DNAJC1: variants seen among roughly 807,000 people sequenced by gnomAD.
DNAJC1 encodes the protein dnaJ homolog subfamily C member 1.
DNAJC1 carries 58 observed loss-of-function variants against 76.6 expected under a neutral mutation model. That is an observed-to-expected ratio of 0.76 (90% CI 0.61 to 0.94). The LOEUF is 0.94. Among genes scored for constraint, DNAJC1 ranks in the 40% least tolerant of loss-of-function variants. The probability of loss-of-function intolerance (pLI) is 0.00; values close to 1 mark genes in which losing one functional copy is unlikely to be tolerated. For missense variants in DNAJC1, 689 were observed against 677.3 expected (o/e 1.02, Z -0.19); for synonymous variants, 258 against 267.9 (o/e 0.96, Z 0.36).
chr10:21,817,301 T>C (rs774240757), intron 8 of DNAJC1, among the ~76,000 whole-genome samples: 8 of 152,198 alleles, frequency 5.3e-5, no homozygotes, highest in Non-Finnish European at 1.2e-4. Flanking sequence ...ACAGCAGTTT[T>C]TGTAATAAAG....
chr10:21,898,730 T>A (rs1373891307), intron 7 of DNAJC1, among the ~76,000 whole-genome samples: 1 of 151,988 alleles, frequency 6.6e-6, no homozygotes, highest in Non-Finnish European at 1.5e-5. Context: ...TTTTTGTATT[T>A]TTTAGTACAT....
intron 8 of DNAJC1, among the ~76,000 whole-genome samples, chr10:21,815,130 A>G (rs1022305589): frequency 1.3e-5 from 2 of 152,196 alleles, no homozygotes; most frequent in Non-Finnish European, 2.9e-5. Flanking sequence ...TTGCCATCTC[A>G]TATAAATCAT....
At chr10:21,759,088 G>A in intron 11 of DNAJC1, 82 bp downstream of exon 11, 1 of 1,378,698 alleles carries the variant, frequency 7.3e-7, no homozygotes, top group East Asian at 2.3e-5. Flanking sequence ...AGGAATGAGG[G>A]AAGAAGCTGC....
chr10:21,810,781 C>A (rs965870637), intron 8 of DNAJC1, among the ~76,000 whole-genome samples: 1 of 152,148 alleles, frequency 6.6e-6, no homozygotes, highest in African/African-American at 2.4e-5. Context: ...ATGTATGGTG[C>A]CTCCTGGTGG....
intron 7 of DNAJC1, among the ~76,000 whole-genome samples, chr10:21,899,118 A>AT (rs1836600708): frequency 1.3e-5 from 2 of 152,308 alleles, no homozygotes; most frequent in South Asian, 4.1e-4. Flanking sequence ...CTTCTCTCAC[A>AT]TATCTATGCA....
intron 8 of DNAJC1, among the ~76,000 whole-genome samples, chr10:21,832,398 T>C (rs1835372797): frequency 6.6e-6 from 1 of 152,202 alleles, no homozygotes; most frequent in Admixed American, 6.5e-5. Context: ...AATTCTACAT[T>C]AACAACTATC....
At chr10:21,870,578 A>G (rs1186961082) in intron 8 of DNAJC1, among the ~76,000 whole-genome samples, 1 of 152,002 alleles carries the variant, frequency 6.6e-6, no homozygotes, top group African/African-American at 2.4e-5. Context: ...GTTGGAGACG[A>G]GCCTAGGTAA....
At chr10:21,804,741 C>T (rs1309247630) in intron 9 of DNAJC1, among the ~76,000 whole-genome samples, 2 of 151,256 alleles carry the variant, frequency 1.3e-5, no homozygotes, top group African/African-American at 4.9e-5. Context: ...AAAAATATTG[C>T]TAAACGTCTT....
chr10:21,996,151 C>T (rs1426999640), intron 1 of DNAJC1, among the ~76,000 whole-genome samples: 1 of 152,150 alleles, frequency 6.6e-6, no homozygotes, highest in African/African-American at 2.4e-5. Flanking sequence ...ACTGCAATTC[C>T]TTTCCTTTAT....
chr10:21,790,010 TAAAAAAAAAAAAAAA>T (rs35639440), intron 9 of DNAJC1, among the ~76,000 whole-genome samples: 1 of 41,064 alleles, frequency 2.4e-5, no homozygotes, highest in Non-Finnish European at 3.9e-5. Context: ...GCTCTGTCTT[TAAAAAAAAAAAAAAA>T]AAAAAAAAAA....
chr10:21,960,794 A>T (rs1837778040), intron 1 of DNAJC1, among the ~76,000 whole-genome samples: 1 of 152,228 alleles, frequency 6.6e-6, no homozygotes, highest in Non-Finnish European at 1.5e-5. Flanking sequence ...CAACTCAACA[A>T]CAAAAAGACA....
chr10:21,823,373 C>T (rs950075800), intron 8 of DNAJC1, among the ~76,000 whole-genome samples: 3 of 152,184 alleles, frequency 2.0e-5, no homozygotes, highest in Non-Finnish European at 4.4e-5. Flanking sequence ...GATCAAACCA[C>T]AGCATGACAC....
chr10:21,789,688 T>C (rs1167774475), intron 9 of DNAJC1, among the ~76,000 whole-genome samples: 2 of 151,858 alleles, frequency 1.3e-5, no homozygotes, highest in African/African-American at 2.4e-5. Context: ...CAAATAGAAA[T>C]CCTGCAGCTG....
chr10:21,838,990 C>G (rs574075319), intron 8 of DNAJC1, among the ~76,000 whole-genome samples: 1 of 152,326 alleles, frequency 6.6e-6, no homozygotes, highest in Non-Finnish European at 1.5e-5. Flanking sequence ...CAACCTGCTC[C>G]TGAATGACTA....
In DNAJC1 at chr10:22,003,622, G is replaced by C; in HGVS notation, c.-188C>G. 1 of 622,202 alleles carries C rather than the reference G, an allele frequency of 1.6e-6. No homozygotes were observed. The highest frequency in any genetic ancestry group is 2.3e-6 in the Non-Finnish European group (1 of 429,682). 38.5% of individuals were successfully genotyped at this position (622,202 alleles called of 1,614,324 possible). On this transcript the variant is annotated 5_prime_UTR_variant, in exon 1 of 12. Transcript: ENST00000376980. ...GCGGCGGGAGCCGGCTGCCGGACGG[G>C]CGGGTGGGTAGGCGGGCGGGGCCGC... is the stretch of plus-strand genomic sequence containing the variant.
At chr10:21,948,375 A>T (rs1837540738) in intron 1 of DNAJC1, among the ~76,000 whole-genome samples, 1 of 152,238 alleles carries the variant, frequency 6.6e-6, no homozygotes, top group African/African-American at 2.4e-5. Flanking sequence ...GAGCAAAGTA[A>T]ATAAAATGTT....
intron 8 of DNAJC1, among the ~76,000 whole-genome samples, chr10:21,876,257 C>A (rs928224957): frequency 1.3e-5 from 2 of 151,794 alleles, no homozygotes; most frequent in Non-Finnish European, 2.9e-5. Context: ...ATCACAGGTG[C>A]GTGTCACCAG....
Position 21,759,595 on chromosome 10 carries a change from T to C in DNAJC1, c.1171A>G (p.Lys391Glu). The change falls in exon 11 of 12, where the codon AAA becomes GAA. Residue 391 changes from lysine (K) to glutamate (E), a missense_variant. By Grantham distance (56) the Lys-to-Glu change is moderately conservative. Coordinates refer to ENST00000376980, the MANE Select transcript of DNAJC1 (RefSeq NM_022365.4). Reference sequence around the variant, plus strand: ...GGCCTGGAATTCTGAACTGTCGATTTGAGTTCGGAGAGTCTAACCATTCCT... The same window carrying C: ...GGCCTGGAATTCTGAACTGTCGATTCGAGTTCGGAGAGTCTAACCATTCCT... ...SPGMVRLSEL[K>E]STVQNSRPIK... is the part of the protein sequence containing the mutation. 6.2e-7 allele frequency: 1 copy of C among 1,613,942 alleles called. No homozygotes were observed. The highest frequency in any genetic ancestry group is 8.5e-7 in the Non-Finnish European group (1 of 1,179,988).
At chr10:21,833,659 A>G (rs1835399044) in intron 8 of DNAJC1, among the ~76,000 whole-genome samples, 1 of 152,158 alleles carries the variant, frequency 6.6e-6, no homozygotes, top group Non-Finnish European at 1.5e-5. Flanking sequence ...GTGAGAATCA[A>G]ATAAGTTAAT....
Sources: gnomAD v4.1 joint callset for allele counts (sites outside exome capture counted in the v4.1 genomes callset) on GRCh38, gnomAD v4.1.1 for gene constraint, MANE v1.5 for transcripts, NCBI Gene and HGNC (gene_info 2026-07-23, HGNC 2026-07-21) for gene names.